Variants in LRP1B observed in about 807,000 individuals in gnomAD.
LRP1B encodes the protein LDL receptor related protein 1B.
A neutral mutation model predicts 556.6 loss-of-function variants in LRP1B; 217 were observed. That is an observed-to-expected ratio of 0.39 (90% CI 0.35 to 0.44). The LOEUF (loss-of-function observed/expected upper bound fraction) is 0.44, where lower values mean the gene tolerates loss of function less well. Among genes scored for constraint, LRP1B ranks in the 20% least tolerant of loss-of-function variants. The pLI is 1.00. For missense variants in LRP1B, 5,053 were observed against 5,620.8 expected, an observed-to-expected ratio of 0.90 and a Z score of 3.23; for synonymous variants, 2,047 against 1,865.8, an observed-to-expected ratio of 1.10 and a Z score of -2.50.
chr2:141,321,631 G>C (rs1687246905), intron 3 of LRP1B, among the ~76,000 whole-genome samples: 1 of 152,056 alleles, frequency 6.6e-6, no homozygotes, highest in South Asian at 2.1e-4. Flanking sequence ...CAGCAATGAA[G>C]TAAAATCCAG....
intron 5 of LRP1B, among the ~76,000 whole-genome samples, chr2:141,244,519 G>T (rs961390830): frequency 1.3e-5 from 2 of 152,154 alleles, no homozygotes; most frequent in Non-Finnish European, 2.9e-5. Flanking sequence ...GACTGGCAGA[G>T]ACTTAAGATG....
intron 1 of LRP1B, among the ~76,000 whole-genome samples, chr2:142,120,314 G>T (rs1318540418): frequency 2.0e-5 from 3 of 152,142 alleles, no homozygotes; most frequent in Non-Finnish European, 4.4e-5. Context: ...GTTTCACCAT[G>T]TTGGCCAGGT....
chr2:140,406,238 T>C (rs913521378), intron 66 of LRP1B, among the ~76,000 whole-genome samples: 2 of 151,946 alleles, frequency 1.3e-5, no homozygotes, highest in African/African-American at 4.8e-5. Context: ...CACCATCATG[T>C]TGAATGGGGA....
intron 3 of LRP1B, among the ~76,000 whole-genome samples, chr2:141,275,363 T>C (rs1225833265): frequency 6.6e-6 from 1 of 152,156 alleles, no homozygotes; most frequent in Non-Finnish European, 1.5e-5. Context: ...AACAAAATAT[T>C]CATCTTTCAG....
At chr2:140,614,975 T>C (rs1683206355) in intron 41 of LRP1B, among the ~76,000 whole-genome samples, 2 of 152,142 alleles carry the variant, frequency 1.3e-5, no homozygotes, top group Non-Finnish European at 2.9e-5. Context: ...AGAATTTAGT[T>C]TGTAGTTTAA....
intron 35 of LRP1B, among the ~76,000 whole-genome samples, chr2:140,740,867 G>A (rs1033628255): frequency 6.6e-6 from 1 of 151,868 alleles, no homozygotes; most frequent in African/African-American, 2.4e-5. Context: ...TTTGATTAGG[G>A]CCTACCCACA....
chr2:142,052,031 G>A (rs1418724786), intron 1 of LRP1B, among the ~76,000 whole-genome samples: 2 of 151,958 alleles, frequency 1.3e-5, no homozygotes, highest in Admixed American at 6.6e-5. Context: ...ATGGAATTTT[G>A]GAACCTTAGT....
At chr2:140,796,633 T>A (rs1338586655) in intron 32 of LRP1B, among the ~76,000 whole-genome samples, 1 of 152,100 alleles carries the variant, frequency 6.6e-6, no homozygotes, top group Non-Finnish European at 1.5e-5. Flanking sequence ...AGAAGACTGA[T>A]GGCTTAGAAC....
chr2:140,884,508 C>T lies in LRP1B; in HGVS notation c.3965-487G>A, dbSNP rs76041126. Among the ~76,000 whole-genome samples, 20 of 152,176 alleles carry T rather than the reference C, an allele frequency of 1.3e-4. No homozygotes were observed. The East Asian group carries it at 3.9e-3, about 30-fold the overall frequency. On this transcript the variant is annotated intron_variant, in intron 24 of 90. Transcript: ENST00000389484. The stretch of plus-strand genomic sequence containing the variant: ...TCTTTTTCTCTTTTTAGAAGGATAA[C>T]AGATAATAGCTACTACTATATTTAA...
rs1176716009 is a variant in LRP1B, at chr2:140,251,632, T to C, written c.13248-4470A>G. On this transcript the variant is annotated intron_variant, in intron 86 of 90. Coordinates refer to ENST00000389484, the MANE Select transcript of LRP1B (RefSeq NM_018557.3). Reference sequence around the variant, plus strand: ...TGTGCAAGGTTGCCCTTATTAACCATGATGATGGAGGCATTCAGAAAGAAA... The same window carrying C: ...TGTGCAAGGTTGCCCTTATTAACCACGATGATGGAGGCATTCAGAAAGAAA... Among the ~76,000 whole-genome samples, 2 of 151,912 alleles carry C rather than the reference T, an allele frequency of 1.3e-5. 1 individual carries two copies. Among genetic ancestry groups the C allele is most frequent in the Non-Finnish European group, 2.9e-5 (2 of 67,880 alleles).
At chr2:141,756,365 C>A (rs778368168) in intron 2 of LRP1B, among the ~76,000 whole-genome samples, 1 of 151,952 alleles carries the variant, frequency 6.6e-6, no homozygotes, top group Non-Finnish European at 1.5e-5. Context: ...CAGCACCATG[C>A]AATTGAAAAA....
At chr2:141,446,743 T>TC (rs1175942130) in intron 3 of LRP1B, among the ~76,000 whole-genome samples, 2 of 152,210 alleles carry the variant, frequency 1.3e-5, no homozygotes, top group African/African-American at 4.8e-5. Context: ...TGGCCCCCAC[T>TC]CTCTGCTGGT....
chr2:140,905,923 C>A (rs75170064), intron 22 of LRP1B, among the ~76,000 whole-genome samples: 1 of 151,990 alleles, frequency 6.6e-6, no homozygotes, highest in Non-Finnish European at 1.5e-5. Flanking sequence ...AGTGCAAATC[C>A]GTTTCTTTTG....
chr2:140,362,428 A>T (rs1342776722), intron 72 of LRP1B, among the ~76,000 whole-genome samples: 1 of 151,728 alleles, frequency 6.6e-6, no homozygotes, highest in African/African-American at 2.4e-5. Flanking sequence ...CTATGGGATT[A>T]TGTCCTGATA....
chr2:141,729,303 A>AT lies in LRP1B; in HGVS notation c.205+80975dup, dbSNP rs376960861. Among the ~76,000 whole-genome samples the AT allele has an allele frequency of 3.3e-3, 489 of 149,200 alleles. 1 individual carries two copies. The highest frequency in any genetic ancestry group is 5.1e-3 in the Non-Finnish European group (343 of 67,266). ...CAAACAAAAATGCTTATGCTATGCT[A>AT]TTCTTTTTTTTTAGTCTTTGGACGT... On this transcript the variant is annotated intron_variant, in intron 2 of 90. Transcript: ENST00000389484.
At chr2:140,934,691 G>A (rs547423962) in intron 20 of LRP1B, among the ~76,000 whole-genome samples, 54 of 152,176 alleles carry the variant, frequency 3.5e-4, no homozygotes, top group South Asian at 2.3e-3. Flanking sequence ...TCTGGGATCC[G>A]TGCTTTGATT....
intron 66 of LRP1B, among the ~76,000 whole-genome samples, chr2:140,408,127 A>G (rs1366868530): frequency 6.6e-6 from 1 of 152,030 alleles, no homozygotes; most frequent in Admixed American, 6.6e-5. Flanking sequence ...AAGCTAAGCT[A>G]TGAGGACACA....
chr2:140,683,891 G>T (rs965073013), intron 41 of LRP1B: 3 of 543,592 alleles, frequency 5.5e-6, no homozygotes, highest in African/African-American at 3.9e-5. Flanking sequence ...GCAGACTGAG[G>T]GGTCCATGCC....
intron 31 of LRP1B, among the ~76,000 whole-genome samples, chr2:140,822,358 T>TA (rs1441629436): frequency 6.6e-6 from 1 of 152,234 alleles, no homozygotes; most frequent in Non-Finnish European, 1.5e-5. Flanking sequence ...AGGCTGCAAT[T>TA]ACTCAGTCTT....
Sources: gnomAD v4.1 joint callset for allele counts (sites outside exome capture counted in the v4.1 genomes callset) on GRCh38, gnomAD v4.1.1 for gene constraint, MANE v1.5 for transcripts, NCBI Gene and HGNC (gene_info 2026-07-23, HGNC 2026-07-21) for gene names.